Variants in MAST4 observed in about 807,000 individuals in gnomAD.
MAST4 encodes the protein microtubule associated serine/threonine kinase family member 4.
In MAST4, 89 loss-of-function variants were observed where a neutral mutation model predicts 162.7. The ratio of observed to expected loss-of-function variants is 0.55; its 90% CI spans 0.46 to 0.65. The LOEUF (loss-of-function observed/expected upper bound fraction) is 0.65. Ranked by LOEUF, MAST4 falls within the 30% of genes least tolerant of loss-of-function variation. The pLI, the probability that MAST4 is intolerant of heterozygous loss-of-function variation, is 0.00. For missense variants in MAST4, 3,153 were observed against 3,374.0 expected (o/e 0.93, Z 1.62); for synonymous variants, 1,479 against 1,361.1 (o/e 1.09, Z -1.91).
chr5:66,613,526 C>T (rs1392930693), intron 1 of MAST4, among the ~76,000 whole-genome samples: 11 of 152,040 alleles, frequency 7.2e-5, no homozygotes, highest in Admixed American at 7.2e-4. Flanking sequence ...CCCCTGAGTT[C>T]TTGGCAGGAA....
At chr5:66,656,538 G>A (rs1746561108) in intron 1 of MAST4, among the ~76,000 whole-genome samples, 1 of 152,074 alleles carries the variant, frequency 6.6e-6, no homozygotes, top group South Asian at 2.1e-4. Context: ...TTGTAATTGG[G>A]CAAGAGGAAG....
At chr5:67,129,481 A>T (rs1334983421) in intron 14 of MAST4, among the ~76,000 whole-genome samples, 1 of 152,046 alleles carries the variant, frequency 6.6e-6, no homozygotes, top group Non-Finnish European at 1.5e-5. Context: ...GCACTTTGGG[A>T]GGCCAAGGAG....
intron 23 of MAST4, among the ~76,000 whole-genome samples, 185 bp from the exon 24 acceptor site, chr5:67,149,204 C>T (rs1237597870): frequency 6.6e-6 from 1 of 152,162 alleles, no homozygotes; most frequent in Non-Finnish European, 1.5e-5. Context: ...TCTCTTCCTC[C>T]TCCACGTCAC....
intron 4 of MAST4, among the ~76,000 whole-genome samples, chr5:66,944,051 A>C (rs1743680284): frequency 6.6e-6 from 1 of 152,134 alleles, no homozygotes; most frequent in African/African-American, 2.4e-5. Context: ...GTTGACGTGT[A>C]AAATTCCTAG....
intron 3 of MAST4, among the ~76,000 whole-genome samples, chr5:66,855,431 C>T (rs920171904): frequency 6.6e-6 from 1 of 152,100 alleles, no homozygotes; most frequent in Non-Finnish European, 1.5e-5. Context: ...AAGAATGGCC[C>T]AATGCAAGTA....
chr5:67,071,495 G>A (rs1209216184), intron 5 of MAST4, among the ~76,000 whole-genome samples: 1 of 151,894 alleles, frequency 6.6e-6, no homozygotes. Context: ...GCTCACGCCT[G>A]TAATCCCAGC....
rs541851507 is a variant in MAST4 at position 66,940,362 on chromosome 5, A to G, written c.674+40380A>G. Among the ~76,000 whole-genome samples the G allele has an allele frequency of 7.2e-5, 11 of 152,262 alleles. 1 individual carries two copies. Among genetic ancestry groups the G allele is most frequent in the South Asian group, 4.1e-4 (2 of 4,822 alleles). On this transcript the variant is annotated intron_variant, in intron 4 of 28. Coordinates refer to ENST00000403625, the MANE Select transcript of MAST4 (RefSeq NM_001164664.2). ...CACAAAAGATTATCCATAGCAGTCA[A>G]TGCTATTTGGTAGCATTTTATCCAC...
chr5:67,077,596 A>G lies in MAST4; in HGVS notation c.764-12566A>G, dbSNP rs116254418. 5.3e-3 allele frequency among the ~76,000 whole-genome samples: 802 copies of G among 152,156 alleles called. 7 individuals carry two copies. Among genetic ancestry groups the G allele is most frequent in the African/African-American group, 0.019 (770 of 41,508 alleles). The stretch of plus-strand genomic sequence containing the variant: ...ATTCACTGCTCTGCCTTAATTTCCT[A>G]CAACTCCCCGTCCATAACATCAGAT... On this transcript the variant is annotated intron_variant, in intron 5 of 28. Transcript: ENST00000403625.
intron 1 of MAST4, among the ~76,000 whole-genome samples, chr5:66,602,157 A>T (rs1023356386): frequency 6.6e-6 from 1 of 152,120 alleles, no homozygotes; most frequent in Non-Finnish European, 1.5e-5. Flanking sequence ...TGAAGGAAAA[A>T]CTTTATTACC....
intron 3 of MAST4, among the ~76,000 whole-genome samples, chr5:66,820,455 T>A (rs187186836): frequency 1.3e-5 from 2 of 152,364 alleles, no homozygotes; most frequent in East Asian, 3.9e-4. Context: ...TGTATTAATA[T>A]GACATATGGG....
intron 4 of MAST4, among the ~76,000 whole-genome samples, chr5:66,904,051 G>T (rs1008914474): frequency 6.6e-6 from 1 of 152,156 alleles, no homozygotes; most frequent in Non-Finnish European, 1.5e-5. Flanking sequence ...AATTTGTACT[G>T]TCTGTATTTA....
intron 5 of MAST4, among the ~76,000 whole-genome samples, chr5:67,068,476 A>G (rs1334040352): frequency 6.6e-6 from 1 of 152,210 alleles, no homozygotes; most frequent in Admixed American, 6.5e-5. Flanking sequence ...CTCACTCCCT[A>G]TCACGAGAAT....
intron 3 of MAST4, among the ~76,000 whole-genome samples, chr5:66,813,253 A>G (rs1047461715): frequency 6.6e-6 from 1 of 152,234 alleles, no homozygotes; most frequent in Non-Finnish European, 1.5e-5. Context: ...TTCACAAAAT[A>G]TGTATCGCAA....
chr5:66,743,819 T>C (rs1000116091), intron 1 of MAST4, among the ~76,000 whole-genome samples: 2 of 152,208 alleles, frequency 1.3e-5, no homozygotes. Flanking sequence ...ATTATACTTA[T>C]AATTATTTAT....
chr5:67,005,175 G>A lies in MAST4; in HGVS notation c.675-49229G>A, dbSNP rs1286463391. ...AGCTGCCTGAGCCCCTCAGGAGCTG[G>A]GGTTTTGTGTATTGGGTGACACTTT... On this transcript the variant is annotated intron_variant, in intron 4 of 28. Transcript: ENST00000403625. 3 of 712,512 alleles carry A rather than the reference G, an allele frequency of 4.2e-6. No individual in the cohort carries two copies. The Admixed American group carries it at 6.1e-5, about 14-fold the overall frequency. The allele number at this position is 712,512 out of a possible 1,614,324, so 44.1% of individuals were successfully genotyped here.
chr5:66,788,195 A>AC (rs2149674022), intron 2 of MAST4, among the ~76,000 whole-genome samples: 1 of 152,282 alleles, frequency 6.6e-6, no homozygotes, highest in African/African-American at 2.4e-5. Flanking sequence ...GGGGAGAGGC[A>AC]CCAGCCCCAT....
intron 3 of MAST4, among the ~76,000 whole-genome samples, chr5:66,872,412 C>T (rs1417712993): frequency 6.6e-6 from 1 of 152,110 alleles, no homozygotes; most frequent in Non-Finnish European, 1.5e-5. Flanking sequence ...TCAGGTGATC[C>T]ACCTGCCTCG....
In MAST4 at chr5:67,166,455, A is replaced by G. The variant is rs1773987061; in HGVS notation, c.7276A>G (p.Lys2426Glu). The G allele has an allele frequency of 1.2e-6, 2 of 1,602,474 alleles. No individual in the cohort carries two copies. The highest frequency in any genetic ancestry group is 4.5e-5 in the East Asian group (2 of 44,466). ...CAGAGGGAAAGGGCCCGGTCCCCAGAAGCCACCGACGGAGGCAGACAAGCC... is the reference window on the plus strand; with the variant it reads ...CAGAGGGAAAGGGCCCGGTCCCCAGGAGCCACCGACGGAGGCAGACAAGCC... ...EARGKGPGPQ[K>E]PPTEADKPNG... The change falls in exon 29 of 29, where the codon AAG (lysine) becomes GAG (glutamate). Residue 2426 changes from lysine to glutamate, a missense_variant. Coordinates refer to ENST00000403625, the MANE Select transcript of MAST4 (RefSeq NM_001164664.2).
intron 1 of MAST4, among the ~76,000 whole-genome samples, chr5:66,725,835 A>G (rs1306819142): frequency 6.6e-6 from 1 of 152,172 alleles, no homozygotes; most frequent in African/African-American, 2.4e-5. Context: ...GGGATTCACT[A>G]TGTTATGTGC....
Sources: gnomAD v4.1 joint callset for allele counts (sites outside exome capture counted in the v4.1 genomes callset) on GRCh38, gnomAD v4.1.1 for gene constraint, MANE v1.5 for transcripts, NCBI Gene and HGNC (gene_info 2026-07-23, HGNC 2026-07-21) for gene names.